TULP4: variants seen among roughly 807,000 people sequenced by gnomAD.
TULP4 encodes the protein tubby-related protein 4.
A neutral mutation model predicts 129.0 loss-of-function variants in TULP4; 16 were observed. That is an observed-to-expected ratio of 0.12 (90% CI 0.08 to 0.19). The LOEUF (loss-of-function observed/expected upper bound fraction) is 0.19, where lower values mean the gene tolerates loss of function less well. Ranked by LOEUF, TULP4 falls within the 10% of genes least tolerant of loss-of-function variation. The pLI, the probability that TULP4 is intolerant of heterozygous loss-of-function variation, is 1.00. For synonymous variants in TULP4, 998 were observed against 854.0 expected, an observed-to-expected ratio of 1.17 and a Z score of -2.94; for missense variants, 1,842 against 2,059.1, an observed-to-expected ratio of 0.89 and a Z score of 2.04.
chr6:158,281,339 G>A (rs560264825), upstream of TULP4, among the ~76,000 whole-genome samples: 9 of 151,918 alleles, frequency 5.9e-5, no homozygotes, highest in East Asian at 9.7e-4. Context: ...TCGGCCTCCC[G>A]AGTAGCTGGG....
intron 1 of TULP4, among the ~76,000 whole-genome samples, chr6:158,386,075 A>T (rs1777442048): frequency 6.6e-6 from 1 of 151,500 alleles, no homozygotes; most frequent in South Asian, 2.1e-4. Context: ...GAACTCTTGG[A>T]CTCAAGTGAT....
chr6:158,408,309 T>G (rs1688625660), intron 1 of TULP4, among the ~76,000 whole-genome samples: 1 of 152,076 alleles, frequency 6.6e-6, no homozygotes, highest in African/African-American at 2.4e-5. Context: ...ATGTTGCTTT[T>G]TAAGTTACAG....
intron 8 of TULP4, among the ~76,000 whole-genome samples, chr6:158,488,061 T>G (rs1583931664): frequency 6.6e-6 from 1 of 151,916 alleles, no homozygotes; most frequent in African/African-American, 2.4e-5. Flanking sequence ...AGTCCGGGGG[T>G]TTAAGACAAG....
upstream of TULP4, among the ~76,000 whole-genome samples, chr6:158,280,211 G>A (rs555889140): frequency 6.6e-6 from 1 of 152,112 alleles, no homozygotes; most frequent in East Asian, 1.9e-4. Context: ...AGTGTAATAT[G>A]AATACACTTA....
In TULP4 at chr6:158,234,739, T is replaced by C. The variant is rs545187093; in HGVS notation, n.68+2436T>C. 9.8e-5 allele frequency among the ~76,000 whole-genome samples: 15 copies of C among 152,388 alleles called. No individual in the cohort carries two copies. The East Asian group carries it at 2.7e-3, about 27-fold the overall frequency. On this transcript the variant is annotated intron_variant and non_coding_transcript_variant, in intron 1 of 1. Transcript: ENST00000620026. ...CTTACAGAAATTGTACATTTGTCTT[T>C]AGTGAGACTTCATGGAATATGTAAT... is the stretch of plus-strand genomic sequence containing the variant.
At chr6:158,308,453 T>TC (rs1779257740), upstream of TULP4, among the ~76,000 whole-genome samples, 1 of 151,784 alleles carries the variant, frequency 6.6e-6, no homozygotes, top group East Asian at 1.9e-4. Context: ...TCCCCACCTT[T>TC]CCCCCCTTTC....
At position 158,321,460 on chromosome 6, in the gene TULP4, T is replaced by A. The variant is rs138190366; in HGVS notation, c.252+7192T>A. Among the ~76,000 whole-genome samples, 44 of 152,288 alleles carry A rather than the reference T, an allele frequency of 2.9e-4. 1 individual carries two copies. In the East Asian group the frequency reaches 7.7e-3, roughly 27 times the overall value. ...TAGTTCCAGACTTCATTCTCCAACT[T>A]GATATATGAGATACAAAAGTGGACA... is the stretch of plus-strand genomic sequence containing the variant. On this transcript the variant is annotated intron_variant, in intron 1 of 13. Coordinates refer to ENST00000367097, the MANE Select transcript of TULP4 (RefSeq NM_020245.5).
chr6:158,438,727 G>A (rs1778811703), intron 3 of TULP4, among the ~76,000 whole-genome samples: 1 of 152,054 alleles, frequency 6.6e-6, no homozygotes, highest in African/African-American at 2.4e-5. Flanking sequence ...TGGGATTACA[G>A]GCACGCACCA....
chr6:158,260,814 CTTTTCTTTTCT>C (rs1778338270), intron 1 of TULP4, among the ~76,000 whole-genome samples: 1 of 126,504 alleles, frequency 7.9e-6, no homozygotes, highest in Non-Finnish European at 1.8e-5. Flanking sequence ...TATTTCTTTT[CTTTTCTTTTCT>C]TTTTTTTTTT....
chr6:158,471,437 A>G (rs1779680660), intron 6 of TULP4, among the ~76,000 whole-genome samples: 1 of 152,224 alleles, frequency 6.6e-6, no homozygotes, highest in South Asian at 2.1e-4. Context: ...TAAGGATACT[A>G]TGGAATTGGG....
chr6:158,314,060 C>T lies in TULP4; in HGVS notation c.44C>T (p.Ser15Phe). 1 of 1,614,172 alleles carries T rather than the reference C, an allele frequency of 6.2e-7. No homozygotes were observed. Residue 15 changes from serine (S) to phenylalanine (F), a missense_variant, in exon 1 of 14, where the codon TCC becomes TTC. This residue lies in a region of TULP4 where 151 missense variants were observed against 268.7 expected (regional missense o/e 0.56). Coordinates refer to ENST00000367097, the MANE Select transcript of TULP4 (RefSeq NM_020245.5). ...CATGGGCCTGTGCTTTGCAGCGATT[C>T]CAACATCCTGTGCCTGTCCTGGAAG... ...VEHGPVLCSD[S>F]NILCLSWKGR...
intron 1 of TULP4, among the ~76,000 whole-genome samples, chr6:158,409,905 G>C (rs1778054979): frequency 6.6e-6 from 1 of 152,022 alleles, no homozygotes; most frequent in African/African-American, 2.4e-5. Context: ...GCCCAGGCTG[G>C]AGTGCAGTGG....
chr6:158,240,690 C>T (rs1429508493), intron 1 of TULP4, among the ~76,000 whole-genome samples: 7 of 105,680 alleles, frequency 6.6e-5, no homozygotes, highest in South Asian at 3.3e-4. Flanking sequence ...GCTGGCCAGG[C>T]GGGGGGCTGA....
chr6:158,385,840 A>ATTTTTTTTTTTTTTTT (rs1397821107), intron 1 of TULP4, among the ~76,000 whole-genome samples: 6 of 34,022 alleles, frequency 1.8e-4, no homozygotes, highest in African/African-American at 4.0e-4. Context: ...AATGTGGAAT[A>ATTTTTTTTTTTTTTTT]TCTTTTTTTT....
chr6:158,349,105 G>GCCC (rs1780409517), intron 1 of TULP4, among the ~76,000 whole-genome samples: 1 of 142,776 alleles, frequency 7.0e-6, no homozygotes, highest in South Asian at 2.2e-4. Context: ...TGGGGCAGCC[G>GCCC]GGCAGAGGCG....
intron 1 of TULP4, chr6:158,238,154 T>C: frequency 2.6e-6 from 2 of 759,954 alleles, no homozygotes; most frequent in South Asian, 2.7e-5. Flanking sequence ...TTCTCAATAT[T>C]AGACATGCTA....
chr6:158,317,027 C>A (rs1268374247), intron 1 of TULP4, among the ~76,000 whole-genome samples: 1 of 152,178 alleles, frequency 6.6e-6, no homozygotes, highest in African/African-American at 2.4e-5. Flanking sequence ...ACCTCCACTC[C>A]TGGGGAGGGG....
intron 1 of TULP4, among the ~76,000 whole-genome samples, chr6:158,234,596 A>G (rs781529404): frequency 6.6e-6 from 1 of 152,230 alleles, no homozygotes; most frequent in Non-Finnish European, 1.5e-5. Flanking sequence ...TCAGCTATGC[A>G]TGTGATTTGT....
chr6:158,298,194 T>C (rs1326331487), intron 1 of TULP4, among the ~76,000 whole-genome samples: 1 of 152,178 alleles, frequency 6.6e-6, no homozygotes, highest in African/African-American at 2.4e-5. Flanking sequence ...ATTCTGTTCT[T>C]TTTCAAGGTG....
Sources: allele counts gnomAD v4.1 joint callset (sites outside exome capture counted in the v4.1 genomes callset), GRCh38; gene constraint gnomAD v4.1.1; regional missense constraint gnomAD v4.1.1; transcripts MANE v1.5; gene names NCBI Gene and HGNC (gene_info 2026-07-23, HGNC 2026-07-21).